Variants in TSPAN9 observed in about 807,000 individuals in gnomAD.
TSPAN9 encodes the protein tetraspanin 9.
Under a neutral mutation model 31.0 loss-of-function variants are expected in TSPAN9, and 16 were observed. That is an observed-to-expected ratio of 0.52 (90% CI 0.35 to 0.78). The LOEUF (loss-of-function observed/expected upper bound fraction) is 0.78, where lower values mean the gene tolerates loss of function less well. TSPAN9 is among the 30% of genes least tolerant of loss of function. The pLI, the probability that TSPAN9 is intolerant of heterozygous loss-of-function variation, is 0.01. For synonymous variants in TSPAN9, 145 were observed against 121.6 expected (o/e 1.19, Z -1.27); for missense variants, 272 against 312.5 (o/e 0.87, Z 0.98).
chr12:3,091,287 A>G (rs1455715232), intron 2 of TSPAN9, among the ~76,000 whole-genome samples: 1 of 152,222 alleles, frequency 6.6e-6, no homozygotes, highest in Non-Finnish European at 1.5e-5. Context: ...TATGTGATTC[A>G]CAGACTTCAC....
intron 2 of TSPAN9, among the ~76,000 whole-genome samples, chr12:3,140,905 G>A (rs139921766): frequency 5.3e-5 from 8 of 152,002 alleles, no homozygotes; most frequent in East Asian, 1.9e-4. Flanking sequence ...GTGGAAGGGC[G>A]TTTGGATGTG....
At position 3,124,435 on chromosome 12, in the gene TSPAN9, C is replaced by CT. The variant is rs879275684; in HGVS notation, c.-18+40728dup. Reference sequence around the variant, plus strand: ...TTAGTTATATAAATTTTGATACATTCTTTTTTTTTTTTGGATGGAGTTTTG... The same window carrying CT: ...TTAGTTATATAAATTTTGATACATTCTTTTTTTTTTTTTGGATGGAGTTTTG... On this transcript the variant is annotated intron_variant, in intron 2 of 8. Transcript: ENST00000011898. 2.3e-3 allele frequency among the ~76,000 whole-genome samples: 325 copies of CT among 143,238 alleles called. 2 individuals carry two copies. Among genetic ancestry groups the CT allele is most frequent in the African/African-American group, 6.5e-3 (256 of 39,278 alleles). 94.0% of individuals were successfully genotyped at this position (143,238 alleles called of 152,430 possible).
At chr12:3,189,424 A>G (rs2098363150) in intron 2 of TSPAN9, among the ~76,000 whole-genome samples, 1 of 152,232 alleles carries the variant, frequency 6.6e-6, no homozygotes, top group Admixed American at 6.5e-5. Flanking sequence ...GCATGTGCCA[A>G]GCTCTGCCTT....
intron 2 of TSPAN9, among the ~76,000 whole-genome samples, chr12:3,179,693 G>A (rs2098357699): frequency 6.6e-6 from 1 of 152,130 alleles, no homozygotes; most frequent in African/African-American, 2.4e-5. Context: ...ATTTGTTTCA[G>A]CAATCAAGTG....
chr12:3,139,210 T>C (rs1381790233), intron 2 of TSPAN9, among the ~76,000 whole-genome samples: 1 of 152,232 alleles, frequency 6.6e-6, no homozygotes, highest in Non-Finnish European at 1.5e-5. Context: ...ACTTGTTTCC[T>C]CTCTTCCTCT....
At chr12:3,216,001 C>T (rs1015714641) in intron 3 of TSPAN9, among the ~76,000 whole-genome samples, 4 of 152,210 alleles carry the variant, frequency 2.6e-5, no homozygotes, top group South Asian at 2.1e-4. Flanking sequence ...CACAGGGACA[C>T]GGCTCCATGT....
At chr12:3,264,807 T>C (rs1383992813) in intron 3 of TSPAN9, among the ~76,000 whole-genome samples, 1 of 152,242 alleles carries the variant, frequency 6.6e-6, no homozygotes, top group Non-Finnish European at 1.5e-5. Flanking sequence ...GACGACTCTA[T>C]GTGGTAGGTA....
At chr12:3,232,921 A>G (rs2098391546) in intron 3 of TSPAN9, among the ~76,000 whole-genome samples, 1 of 152,160 alleles carries the variant, frequency 6.6e-6, no homozygotes, top group Non-Finnish European at 1.5e-5. Context: ...GCCACACAGA[A>G]AGATTTTCCT....
chr12:3,186,578 A>G (rs988281189), intron 2 of TSPAN9, among the ~76,000 whole-genome samples: 9 of 127,398 alleles, frequency 7.1e-5, no homozygotes, highest in South Asian at 2.6e-4. Flanking sequence ...GTGTGTGTGT[A>G]TACACACAAG....
chr12:3,266,538 C>G (rs1440371638), intron 3 of TSPAN9, among the ~76,000 whole-genome samples: 2 of 152,184 alleles, frequency 1.3e-5, no homozygotes, highest in African/African-American at 4.8e-5. Context: ...AAACTGTGGA[C>G]AGGCCAGCAG....
chr12:3,167,610 G>T lies in TSPAN9; in HGVS notation c.-17-33567G>T, dbSNP rs76086082. Among the ~76,000 whole-genome samples the T allele has an allele frequency of 3.1e-3, 476 of 152,296 alleles. 18 individuals are homozygous for T. In the East Asian group the frequency reaches 0.08, roughly 26 times the overall value. On this transcript the variant is annotated intron_variant, in intron 2 of 8. Coordinates refer to ENST00000011898, the MANE Select transcript of TSPAN9 (RefSeq NM_006675.5). ...ATGGTGATGGGCTGGGGTGGATGTG[G>T]AGTCATTAGCTCGTGATGAGCTGGA...
intron 3 of TSPAN9, among the ~76,000 whole-genome samples, chr12:3,249,251 C>T (rs145128910): frequency 3.5e-4 from 54 of 152,298 alleles, no homozygotes; most frequent in Non-Finnish European, 6.5e-4. Context: ...CCAGGCACCC[C>T]GCGGGTGGTC....
At chr12:3,243,246 C>T (rs1269309789) in intron 3 of TSPAN9, among the ~76,000 whole-genome samples, 1 of 152,174 alleles carries the variant, frequency 6.6e-6, no homozygotes, top group African/African-American at 2.4e-5. Flanking sequence ...GCTGGACTCA[C>T]CCATCATCTT....
intron 3 of TSPAN9, among the ~76,000 whole-genome samples, chr12:3,252,866 G>A (rs1006346207): frequency 5.9e-5 from 9 of 152,198 alleles, no homozygotes; most frequent in African/African-American, 2.2e-4. Flanking sequence ...GTGGACATCT[G>A]TTAGGGGGAG....
At chr12:3,185,225 T>TGGGG (rs1231903642) in intron 2 of TSPAN9, among the ~76,000 whole-genome samples, 1 of 152,000 alleles carries the variant, frequency 6.6e-6, no homozygotes. Flanking sequence ...AGAAGGGAGT[T>TGGGG]GGGGGACTCG....
chr12:3,191,388 C>T (rs2098364338), intron 2 of TSPAN9, among the ~76,000 whole-genome samples: 1 of 152,132 alleles, frequency 6.6e-6, no homozygotes, highest in Non-Finnish European at 1.5e-5. Context: ...CCAGCTGCCC[C>T]CCTGCCAGGG....
At chr12:3,267,155 C>G (rs1402579510) in intron 3 of TSPAN9, among the ~76,000 whole-genome samples, 1 of 152,228 alleles carries the variant, frequency 6.6e-6, no homozygotes, top group African/African-American at 2.4e-5. Flanking sequence ...AATGGAGCCC[C>G]CAGCCCCTTC....
At chr12:3,089,586 C>G (rs1053720823) in intron 2 of TSPAN9, among the ~76,000 whole-genome samples, 1 of 151,956 alleles carries the variant, frequency 6.6e-6, no homozygotes, top group South Asian at 2.1e-4. Flanking sequence ...TGAGCCACTG[C>G]GCCTGGTCTC....
chr12:3,146,713 C>CA (rs1591647843), intron 2 of TSPAN9, among the ~76,000 whole-genome samples: 1 of 152,144 alleles, frequency 6.6e-6, no homozygotes, highest in Non-Finnish European at 1.5e-5. Flanking sequence ...GGCCTTTCTC[C>CA]ACCCACCCAG....
Sources: allele counts gnomAD v4.1 joint callset (sites outside exome capture counted in the v4.1 genomes callset), GRCh38; gene constraint gnomAD v4.1.1; transcripts MANE v1.5; gene names NCBI Gene and HGNC (gene_info 2026-07-23, HGNC 2026-07-21).